The following ENOX1 variants were observed in gnomAD, a reference collection of about 807,000 sequenced individuals.
ENOX1 encodes ecto-NOX disulfide-thiol exchanger 1.
ENOX1 carries 42 observed loss-of-function variants against 82.5 expected under a neutral mutation model. That is an observed-to-expected ratio of 0.51 (90% CI 0.40 to 0.66). The LOEUF (loss-of-function observed/expected upper bound fraction) is 0.66, where lower values mean the gene tolerates loss of function less well. ENOX1 is among the 30% of genes least tolerant of loss of function. ENOX1 has a pLI of 0.00. For synonymous variants in ENOX1, 271 were observed against 282.2 expected (o/e 0.96, Z 0.40); for missense variants, 608 against 811.6 (o/e 0.75, Z 3.05).
intron 1 of ENOX1, among the ~76,000 whole-genome samples, chr13:43,682,041 G>T: frequency 6.6e-6 from 1 of 152,048 alleles, no homozygotes; most frequent in East Asian, 1.9e-4. Flanking sequence ...CATAATGAAC[G>T]ACTGAGGCTC....
chr13:43,736,945 T>C (rs2089661924), intron 1 of ENOX1, among the ~76,000 whole-genome samples: 1 of 152,196 alleles, frequency 6.6e-6, no homozygotes, highest in African/African-American at 2.4e-5. Context: ...AAATAGTCAA[T>C]GTAAACTTGG....
intron 3 of ENOX1, among the ~76,000 whole-genome samples, chr13:43,464,425 G>A (rs2057629502): frequency 6.6e-6 from 1 of 152,046 alleles, no homozygotes. Flanking sequence ...AGAACCCTGG[G>A]GACCTGGGGA....
rs561071447 is a variant in ENOX1, at chr13:43,636,745, A to G, written c.-219+30734T>C. On this transcript the variant is annotated intron_variant, in intron 2 of 16. Transcript: ENST00000690772. ...CCAGGAAGACAAGTCAGGAAGGAACAGTGCTAAGGAGAGGAGGAAATCAGC... is the reference window on the plus strand; with the variant it reads ...CCAGGAAGACAAGTCAGGAAGGAACGGTGCTAAGGAGAGGAGGAAATCAGC... 5.3e-5 allele frequency among the ~76,000 whole-genome samples: 8 copies of G among 152,336 alleles called. No homozygotes were observed. The East Asian group carries it at 1.5e-3, about 29-fold the overall frequency.
chr13:43,721,138 T>C (rs1403030592), intron 1 of ENOX1, among the ~76,000 whole-genome samples: 1 of 152,174 alleles, frequency 6.6e-6, no homozygotes, highest in Non-Finnish European at 1.5e-5. Context: ...TTTTGTGCAG[T>C]GTTTCCACTG....
intron 2 of ENOX1, among the ~76,000 whole-genome samples, chr13:43,612,488 T>C (rs546913006): frequency 6.6e-6 from 1 of 151,814 alleles, no homozygotes; most frequent in Middle Eastern, 3.4e-3. Context: ...TGGTGCCTAC[T>C]TGTCATCAGC....
intron 2 of ENOX1, among the ~76,000 whole-genome samples, chr13:43,589,933 C>G (rs1352986701): frequency 6.6e-6 from 1 of 151,636 alleles, no homozygotes; most frequent in Non-Finnish European, 1.5e-5. Context: ...ATATACATCC[C>G]TCATAATTCC....
chr13:43,385,557 A>G (rs1041386501), intron 5 of ENOX1, among the ~76,000 whole-genome samples: 27 of 152,348 alleles, frequency 1.8e-4, no homozygotes, highest in East Asian at 3.9e-4. Flanking sequence ...TAAAGAAACA[A>G]TAATAGTAGT....
chr13:43,249,820 A>C (rs990591834), intron 14 of ENOX1, among the ~76,000 whole-genome samples: 5 of 152,228 alleles, frequency 3.3e-5, no homozygotes, highest in Non-Finnish European at 7.3e-5. Flanking sequence ...GTGAGATCTT[A>C]GTAAACATTG....
chr13:43,232,093 C>CT (rs33932346), intron 15 of ENOX1, among the ~76,000 whole-genome samples: 80,168 of 109,326 alleles, frequency 0.73, 31,121 homozygotes, highest in East Asian at 0.85. Context: ...GCCCAGCTAA[C>CT]TTTTTTTTTT....
intron 3 of ENOX1, among the ~76,000 whole-genome samples, chr13:43,415,765 G>A (rs4462485): frequency 0.52 from 78,517 of 151,042 alleles, 25,361 homozygotes; most frequent in Non-Finnish European, 0.73. Flanking sequence ...CTATCTCTTC[G>A]GAGCTGTTGG....
chr13:43,274,986 G>C (rs1417969986), intron 12 of ENOX1, among the ~76,000 whole-genome samples: 1 of 152,206 alleles, frequency 6.6e-6, no homozygotes, highest in Non-Finnish European at 1.5e-5. Flanking sequence ...TGGGCACATA[G>C]AGATTAAGGT....
chr13:43,386,699 G>C (rs749265395), intron 5 of ENOX1, among the ~76,000 whole-genome samples: 2 of 152,136 alleles, frequency 1.3e-5, no homozygotes, highest in Non-Finnish European at 2.9e-5. Flanking sequence ...GAATCTAAAT[G>C]GTCCAAGAAT....
rs148218936 is a variant in ENOX1, at chr13:43,462,796, C to T, written c.-75+21213G>A. Among the ~76,000 whole-genome samples the T allele has an allele frequency of 2.6e-4, 40 of 152,232 alleles. 1 individual carries two copies. In the East Asian group the frequency reaches 7.7e-3, roughly 29 times the overall value. On this transcript the variant is annotated intron_variant, in intron 3 of 16. Coordinates refer to ENST00000690772, the MANE Select transcript of ENOX1 (RefSeq NM_001347969.2). ...CCCATAAACGAGTCAACCTCACTCC[C>T]AGGAAATTAAACAAATGAACATCAG...
Position 43,702,953 on chromosome 13 carries a change from CAAAAAAAAAAAAA to C in ENOX1, c.-284-35422_-284-35410del, listed in dbSNP as rs60810191. On this transcript the variant is annotated intron_variant, in intron 1 of 16. Transcript: ENST00000690772. Reference sequence around the variant, plus strand: ...GGGCAACAAGAGTGAGACTCTGTCTCAAAAAAAAAAAAAAAAAAAAAAAAAAAAAAGTTTGAGG... The same window carrying C: ...GGGCAACAAGAGTGAGACTCTGTCTCAAAAAAAAAAAAAAAAAGTTTGAGG... Among the ~76,000 whole-genome samples the C allele has an allele frequency of 3.4e-3, 171 of 51,042 alleles. 1 individual carries two copies. Among genetic ancestry groups the C allele is most frequent in the African/African-American group, 0.011 (136 of 12,364 alleles). The allele number at this position is 51,042 out of a possible 152,430, so 33.5% of individuals were successfully genotyped here.
chr13:43,269,259 G>C (rs1006325431), intron 13 of ENOX1, among the ~76,000 whole-genome samples: 1 of 152,154 alleles, frequency 6.6e-6, no homozygotes, highest in Non-Finnish European at 1.5e-5. Flanking sequence ...GGCAGGCTTG[G>C]GCAATCTAAA....
intron 5 of ENOX1, among the ~76,000 whole-genome samples, chr13:43,384,961 G>A: frequency 6.6e-6 from 1 of 152,196 alleles, no homozygotes; most frequent in South Asian, 2.1e-4. Context: ...TCATTGGTTA[G>A]TTTCTCAGAG....
chr13:43,530,921 G>A (rs902831259), intron 2 of ENOX1, among the ~76,000 whole-genome samples: 1 of 151,928 alleles, frequency 6.6e-6, no homozygotes, highest in African/African-American at 2.4e-5. Context: ...ATCAGTAATA[G>A]GAGTGTTAGT....
At chr13:43,259,626 C>T (rs2043943821) in intron 14 of ENOX1, among the ~76,000 whole-genome samples, 1 of 152,144 alleles carries the variant, frequency 6.6e-6, no homozygotes, top group Non-Finnish European at 1.5e-5. Flanking sequence ...CAGGCATGTG[C>T]CACTATGCCC....
In ENOX1 at chr13:43,213,524, C is replaced by CT. The variant is rs1261954672; in HGVS notation, c.*465dup. The CT allele has an allele frequency of 2.4e-5, 2 of 83,386 alleles. No homozygotes were observed. The highest frequency in any genetic ancestry group is 4.9e-4 in the South Asian group (1 of 2,026). 5.2% of individuals were successfully genotyped at this position (83,386 alleles called of 1,614,324 possible). On this transcript the variant is annotated 3_prime_UTR_variant, in exon 17 of 17. Transcript: ENST00000690772. ...CTCACTGTAAAACTTTTTCTTTTTT[C>CT]TTTTTTTCTTTTTCTTTTTCTTTTT...
Sources: allele counts gnomAD v4.1 joint callset (sites outside exome capture counted in the v4.1 genomes callset), GRCh38; gene constraint gnomAD v4.1.1; transcripts MANE v1.5; gene names NCBI Gene and HGNC (gene_info 2026-07-23, HGNC 2026-07-21).